Variants in SCAF4 observed in about 807,000 individuals in gnomAD.
SCAF4 encodes SR-related CTD associated factor 4.
Under a neutral mutation model 129.8 loss-of-function variants are expected in SCAF4, and 25 were observed. The observed-to-expected ratio is 0.19, with a 90% CI of 0.14 to 0.27. The LOEUF is 0.27. Among genes scored for constraint, SCAF4 ranks in the 10% least tolerant of loss-of-function variants. The pLI is 1.00. For missense variants in SCAF4, 1,246 were observed against 1,457.1 expected (o/e 0.86, Z 2.36); for synonymous variants, 551 against 497.7 (o/e 1.11, Z -1.43).
Position 31,701,898 on chromosome 21 carries a change from T to C in SCAF4, c.478A>G (p.Lys160Glu). The change falls in exon 6 of 20, where the codon AAA becomes GAA. Residue 160 changes from lysine (K) to glutamate (E), a missense_variant. Transcript: ENST00000286835. ...TGTGTGGGAGGTTCAGAAGAAACTT[T>C]TACTGGAGGTGGAGGTGAGCCTAAA... ...NNEGSPPPPVKVSSEPPTQAT... is the reference protein window; with the variant it reads ...NNEGSPPPPVEVSSEPPTQAT... 1.9e-6 allele frequency: 3 copies of C among 1,613,862 alleles called. No individual in the cohort carries two copies. Among genetic ancestry groups the C allele is most frequent in the Non-Finnish European group, 2.5e-6 (3 of 1,179,912 alleles).
chr21:31,705,248 A>G (rs2050628550), intron 3 of SCAF4, among the ~76,000 whole-genome samples, 175 bp downstream of exon 3: 1 of 152,228 alleles, frequency 6.6e-6, no homozygotes. Context: ...TAAGTTAAGT[A>G]CCAATTAATG....
In SCAF4 at chr21:31,685,061, C is replaced by T. The variant is rs1293797279; in HGVS notation, c.2476G>A (p.Val826Ile). The stretch of plus-strand genomic sequence containing the variant: ...AAAAATAACTTACCAAGAAGTGAAA[C>T]AGGCTGGGTTACAGGAGGGGTGGGC... ...NLPTPPVTQP[V>I]SLLGTQGVAP... Residue 826 changes from valine to isoleucine, a missense_variant, in exon 19 of 20, where the codon GTT becomes ATT. Val to Ile is a conservative substitution (Grantham distance 29, BLOSUM62 3). Transcript: ENST00000286835. 1 of 1,604,994 alleles carries T rather than the reference C, an allele frequency of 6.2e-7. No individual in the cohort carries two copies. Among genetic ancestry groups the T allele is most frequent in the East Asian group, 2.2e-5 (1 of 44,698 alleles).
At chr21:31,673,181 A>T (rs779753704) in intron 19 of SCAF4, among the ~76,000 whole-genome samples, 1 of 152,162 alleles carries the variant, frequency 6.6e-6, no homozygotes, top group African/African-American at 2.4e-5. Flanking sequence ...TCATACTGAT[A>T]TAAGAGTCAC....
At position 31,696,043 on chromosome 21, in the gene SCAF4, C is replaced by T. The variant is rs543443160; in HGVS notation, c.1068+70G>A. 5.6e-6 allele frequency: 6 copies of T among 1,074,708 alleles called. No homozygotes were observed. The South Asian group carries it at 8.6e-5, about 15-fold the overall frequency. The allele number at this position is 1,074,708 out of a possible 1,614,324, so 66.6% of individuals were successfully genotyped here. On this transcript the variant is annotated intron_variant, in intron 9 of 19. Coordinates refer to ENST00000286835, the MANE Select transcript of SCAF4 (RefSeq NM_020706.2). Reference sequence around the variant, plus strand: ...GCCAATTACATAGCTGCAGAGTGCTCTGTGGAATGCAAACCATACGCTCTA... The same window carrying T: ...GCCAATTACATAGCTGCAGAGTGCTTTGTGGAATGCAAACCATACGCTCTA...
chr21:31,712,222 C>CTTT (rs11408552), intron 1 of SCAF4, among the ~76,000 whole-genome samples: 19 of 135,404 alleles, frequency 1.4e-4, no homozygotes, highest in South Asian at 4.5e-4. Context: ...TTGTTTGTTG[C>CTTT]TTTTTTTTTT....
chr21:31,691,970 T>C, intron 13 of SCAF4, 40 bp from the exon 14 acceptor site: 2 of 1,118,196 alleles, frequency 1.8e-6, no homozygotes, highest in Non-Finnish European at 2.6e-6. Flanking sequence ...GATAACAAAA[T>C]TGAAAAGCAA....
rs1271584803 is a variant in SCAF4, at chr21:31,675,119, G to A, written c.2489-2765C>T. Among the ~76,000 whole-genome samples the A allele has an allele frequency of 2.6e-5, 4 of 152,268 alleles. No individual in the cohort carries two copies. The East Asian group carries it at 5.8e-4, about 22-fold the overall frequency. On this transcript the variant is annotated intron_variant, in intron 19 of 19. Transcript: ENST00000286835. ...GCAAGGTAAAGCAGTGGTGTGTGTG[G>A]TTCAGAGAACCACAATAAAATGACT...
chr21:31,731,789 G>C lies in SCAF4; in HGVS notation c.-97C>G. On this transcript the variant is annotated 5_prime_UTR_variant, in exon 1 of 20. Coordinates refer to ENST00000286835, the MANE Select transcript of SCAF4 (RefSeq NM_020706.2). ...GGGAAACCAGCCGGGCCTGGTGGCC[G>C]GGGGGAGGCGACGAGCGGCGGAGTC... The C allele has an allele frequency of 7.4e-7, 1 of 1,348,822 alleles. No homozygotes were observed. Among genetic ancestry groups the C allele is most frequent in the Non-Finnish European group, 9.7e-7 (1 of 1,026,170 alleles). 83.6% of individuals were successfully genotyped at this position (1,348,822 alleles called of 1,614,324 possible). A position where few individuals can be genotyped will look rare whatever the true frequency, so the allele number is the denominator to read the frequency against.
intron 19 of SCAF4, among the ~76,000 whole-genome samples, chr21:31,673,661 T>C (rs944064130): frequency 6.6e-6 from 1 of 152,180 alleles, no homozygotes; most frequent in Non-Finnish European, 1.5e-5. Flanking sequence ...ATTTACCGAG[T>C]ATATACCATA....
At chr21:31,700,754 T>TTTTC in intron 7 of SCAF4, 1 of 409,146 alleles carries the variant, frequency 2.4e-6, no homozygotes, top group Non-Finnish European at 4.4e-6. Flanking sequence ...TTTTTTTTTT[T>TTTTC]TTTCACTTTT....
At chr21:31,718,804 T>C (rs2051000733) in intron 1 of SCAF4, among the ~76,000 whole-genome samples, 1 of 152,254 alleles carries the variant, frequency 6.6e-6, no homozygotes, top group African/African-American at 2.4e-5. Flanking sequence ...ATTTTCATAC[T>C]TACTTCTTCC....
At chr21:31,722,116 C>G (rs961868972) in intron 1 of SCAF4, among the ~76,000 whole-genome samples, 2 of 152,300 alleles carry the variant, frequency 1.3e-5, no homozygotes, top group African/African-American at 2.4e-5. Context: ...GCTGTGGTTA[C>G]TGCTGAGTTT....
intron 1 of SCAF4, among the ~76,000 whole-genome samples, chr21:31,717,832 T>TAC (rs1279693223): frequency 3.3e-5 from 3 of 90,114 alleles, no homozygotes; most frequent in African/African-American, 7.8e-5. Context: ...CTGCCATATA[T>TAC]ATATATATAT....
chr21:31,715,674 C>T (rs796763517), intron 1 of SCAF4, among the ~76,000 whole-genome samples: 3 of 152,262 alleles, frequency 2.0e-5, no homozygotes, highest in African/African-American at 4.8e-5. Context: ...TTCCAATCAG[C>T]TTGTAAATTT....
At chr21:31,693,168 A>G (rs538064077) in intron 12 of SCAF4, 126 bp downstream of exon 12, 68 of 670,008 alleles carry the variant, frequency 1.0e-4, no homozygotes, top group African/African-American at 9.3e-4. Context: ...CAAGAAAGCA[A>G]TATTTCAAAT....
intron 7 of SCAF4, among the ~76,000 whole-genome samples, chr21:31,698,854 T>G (rs1008219351): frequency 1.1e-4 from 16 of 152,200 alleles, no homozygotes; most frequent in Non-Finnish European, 1.9e-4. Context: ...AAATTTCAAA[T>G]TTGCTAGTCC....
intron 19 of SCAF4, among the ~76,000 whole-genome samples, chr21:31,679,237 T>C (rs1212109645): frequency 5.3e-5 from 8 of 152,174 alleles, no homozygotes; most frequent in African/African-American, 1.4e-4. Flanking sequence ...CTGTGGCACT[T>C]TGCATGAACT....
At chr21:31,708,260 C>T (rs1487410092) in intron 1 of SCAF4, among the ~76,000 whole-genome samples, 2 of 151,958 alleles carry the variant, frequency 1.3e-5, no homozygotes, top group Non-Finnish European at 2.9e-5. Context: ...CCTGTAGTCC[C>T]AGCTACTTGG....
intron 1 of SCAF4, among the ~76,000 whole-genome samples, chr21:31,708,033 C>T (rs2050709024): frequency 6.6e-6 from 1 of 152,080 alleles, no homozygotes; most frequent in East Asian, 1.9e-4. Context: ...CTTCATTTAC[C>T]AATGTAATAA....
Sources: allele counts gnomAD v4.1 joint callset (sites outside exome capture counted in the v4.1 genomes callset), GRCh38; gene constraint gnomAD v4.1.1; transcripts MANE v1.5; gene names NCBI Gene and HGNC (gene_info 2026-07-23, HGNC 2026-07-21).